The following PIK3R2 variants were observed in gnomAD, a reference collection of about 807,000 sequenced individuals.
The protein encoded by PIK3R2 is phosphatidylinositol 3-kinase regulatory subunit beta.
PIK3R2 carries 40 observed loss-of-function variants against 78.5 expected under a neutral mutation model. That is an observed-to-expected ratio of 0.51 (90% CI 0.40 to 0.66). The LOEUF (loss-of-function observed/expected upper bound fraction) is 0.66. Among genes scored for constraint, PIK3R2 ranks in the 30% least tolerant of loss-of-function variants. The probability of loss-of-function intolerance (pLI) is 0.00; values close to 1 mark genes in which losing one functional copy is unlikely to be tolerated. For synonymous variants in PIK3R2, 473 were observed against 457.7 expected, an observed-to-expected ratio of 1.03 and a Z score of -0.43; for missense variants, 880 against 1,026.6, an observed-to-expected ratio of 0.86 and a Z score of 1.95.
rs1347296510 is a variant in PIK3R2, at chr19:18,167,247, C to T, written c.1677C>T (p.Arg559=). 10 of 1,612,664 alleles carry T rather than the reference C, an allele frequency of 6.2e-6. No individual in the cohort carries two copies. Among genetic ancestry groups the T allele is most frequent in the Non-Finnish European group, 8.5e-6 (10 of 1,179,456 alleles). The change falls in exon 13 of 16, where the codon CGC becomes CGT. Residue 559 remains arginine, a synonymous_variant. Coordinates refer to ENST00000222254, the MANE Select transcript of PIK3R2 (RefSeq NM_005027.4). This position sits in a 1 kb window ranked among gnomAD's most constrained non-coding sequence, Gnocchi z 4.5. ...QASDNREIDK[R]MNSLKPDLMQ... ...CGGACAACAGAGAGATCGACAAGCG[C>T]ATGAACAGCCTCAAGCCGGACCTCA... is the stretch of plus-strand genomic sequence containing the variant.
At chr19:18,157,467 G>C (rs544703477) in intron 2 of PIK3R2, among the ~76,000 whole-genome samples, 1 of 152,324 alleles carries the variant, frequency 6.6e-6, no homozygotes, top group East Asian at 1.9e-4. Context: ...TCCTCATCTG[G>C]AAACAACAGG....
chr19:18,155,261 ACTCTACTCCCAGCAG>A (rs1355874913), intron 1 of PIK3R2, among the ~76,000 whole-genome samples, 181 bp from the exon 2 acceptor site: 1 of 151,552 alleles, frequency 6.6e-6, no homozygotes, highest in Non-Finnish European at 1.5e-5. Context: ...GTTCTTGGGA[ACTCTACTCCCAGCAG>A]CTCCAAGGGA....
rs1375426728 is a variant in PIK3R2 at position 18,160,496 on chromosome 19, G to A, written c.348G>A (p.Glu116=). Residue 116 remains glutamate, a synonymous_variant, in exon 3 of 16, where the codon GAG becomes GAA. Transcript: ENST00000222254. ...GCCTCACACTCCCCGACTTGCCCGAGCAGTTCTCCCCACCTGATGTGGCTC... is the reference window on the plus strand; with the variant it reads ...GCCTCACACTCCCCGACTTGCCCGAACAGTTCTCCCCACCTGATGTGGCTC... ...EPGLTLPDLP[E]QFSPPDVAPP... 2 of 1,613,806 alleles carry A rather than the reference G, an allele frequency of 1.2e-6. No homozygotes were observed. Among genetic ancestry groups the A allele is most frequent in the South Asian group, 2.2e-5 (2 of 91,066 alleles).
In PIK3R2 at chr19:18,156,257, T is replaced by C. The variant is rs902888581; in HGVS notation, c.322+56T>C. On this transcript the variant is annotated intron_variant, in intron 2 of 15. Coordinates refer to ENST00000222254, the MANE Select transcript of PIK3R2 (RefSeq NM_005027.4). The surrounding 1 kb of genome is among the most constrained non-coding windows in gnomAD (Gnocchi z 4.2). ...GGGTGGTCCCCTCAGACCCTTGGTC[T>C]CCTCTTCTGTCCAGTGAGGCAATGG... 3.8e-6 allele frequency: 5 copies of C among 1,300,926 alleles called. No homozygotes were observed. In the African/African-American group the frequency reaches 7.8e-5, roughly 20 times the overall value. 80.6% of individuals were successfully genotyped at this position (1,300,926 alleles called of 1,614,324 possible). A position where few individuals can be genotyped will look rare whatever the true frequency, so the allele number is the denominator to read the frequency against.
chr19:18,160,421 C>A (rs754988648), intron 2 of PIK3R2, 50 bp from the exon 3 acceptor site: 17 of 1,104,612 alleles, frequency 1.5e-5, no homozygotes, highest in Non-Finnish European at 2.2e-5. Flanking sequence ...AGGGGCTGGG[C>A]TCCTTCCAGG....
At position 18,167,875 on chromosome 19, in the gene PIK3R2, G is replaced by GA. The variant is rs368719804; in HGVS notation, c.1736+579dup. On this transcript the variant is annotated intron_variant, in intron 13 of 15. Coordinates refer to ENST00000222254, the MANE Select transcript of PIK3R2 (RefSeq NM_005027.4). This position sits in a 1 kb window ranked among gnomAD's most constrained non-coding sequence, Gnocchi z 4.5. ...CAACACTCTGCCTCAGAAAAGAAAA[G>GA]AAAAAAAAAATCGCCTGCTGTGCAA... Among the ~76,000 whole-genome samples the GA allele has an allele frequency of 1.7e-4, 26 of 149,374 alleles. No homozygotes were observed. Among genetic ancestry groups the GA allele is most frequent in the African/African-American group, 2.5e-4 (10 of 40,756 alleles).
chr19:18,160,572 C>T lies in PIK3R2; in HGVS notation c.415+9C>T. On this transcript the variant is annotated intron_variant, in intron 3 of 15. Transcript: ENST00000222254. ...GGCCATTGAAAGGACAGGTAAGTTC[C>T]AGCCTGGCTGCAGCCCCTGGATTCT... 3 of 1,603,636 alleles carry T rather than the reference C, an allele frequency of 1.9e-6. No individual in the cohort carries two copies. Among genetic ancestry groups the T allele is most frequent in the Non-Finnish European group, 8.5e-7 (1 of 1,171,650 alleles).
chr19:18,162,621 C>A, intron 9 of PIK3R2, 115 bp downstream of exon 9: 1 of 850,620 alleles, frequency 1.2e-6, no homozygotes. Flanking sequence ...CGGTGGCTTA[C>A]ACCTGTAATC....
rs538351116 is a variant in PIK3R2 at position 18,162,010 on chromosome 19, T to C, written c.860T>C (p.Leu287Pro). 6.2e-7 allele frequency: 1 copy of C among 1,614,042 alleles called. No individual in the cohort carries two copies. Among genetic ancestry groups the C allele is most frequent in the African/African-American group, 1.3e-5 (1 of 75,040 alleles). The part of the protein sequence containing the change: ...PDFPALLVEK[L>P]LQEHLEEQEV... ...TTCCCGGCGCTGCTGGTGGAGAAGCTGCTTCAGGAACACTTGGAAGAGCAG... is the reference window on the plus strand; with the variant it reads ...TTCCCGGCGCTGCTGGTGGAGAAGCCGCTTCAGGAACACTTGGAAGAGCAG... The change falls in exon 7 of 16, where the codon CTG becomes CCG. Residue 287 changes from leucine to proline, a missense_variant. Leu to Pro is a moderately conservative substitution (Grantham distance 98). Around this residue, in one of 3 missense-constraint regions of PIK3R2, gnomAD observed 456 missense variants for 486.6 expected, o/e 0.94. Coordinates refer to ENST00000222254, the MANE Select transcript of PIK3R2 (RefSeq NM_005027.4).
Position 18,155,820 on chromosome 19 carries a change from G to A in PIK3R2, c.-60G>A. 7.0e-7 allele frequency: 1 copy of A among 1,433,398 alleles called. No individual in the cohort carries two copies. The highest frequency in any genetic ancestry group is 1.4e-5 in the South Asian group (1 of 71,908). 88.8% of individuals were successfully genotyped at this position (1,433,398 alleles called of 1,614,324 possible). A position where few individuals can be genotyped will look rare whatever the true frequency, so the allele number is the denominator to read the frequency against. On this transcript the variant is annotated 5_prime_UTR_variant, in exon 2 of 16. Transcript: ENST00000222254. ...CCTCCCAGCCCTGCTTCAACCAATG[G>A]GGCCAGTGGGGCTCCAAGCAGCCAC... is the stretch of plus-strand genomic sequence containing the variant.
Position 18,163,451 on chromosome 19 carries a change from C to G in PIK3R2, c.1416+63C>G, listed in dbSNP as rs2043774330. The G allele has an allele frequency of 1.9e-6, 3 of 1,580,630 alleles. No individual in the cohort carries two copies. The Admixed American group carries it at 5.1e-5, about 27-fold the overall frequency. ...AGAGGGGCAGTGGCAAGGCCGGGAG[C>G]AGGATGACCAACCCCAGAGGACTTG... is the stretch of plus-strand genomic sequence containing the variant. On this transcript the variant is annotated intron_variant, in intron 11 of 15. Transcript: ENST00000222254.
chr19:18,161,355 G>C lies in PIK3R2; in HGVS notation c.675G>C (p.Leu225=). The C allele has an allele frequency of 1.5e-6, 2 of 1,306,930 alleles. No homozygotes were observed. Among genetic ancestry groups the C allele is most frequent in the Non-Finnish European group, 1.9e-6 (2 of 1,030,950 alleles). The allele number at this position is 1,306,930 out of a possible 1,614,324, so 81.0% of individuals were successfully genotyped here. ...PLHRALTLRF[L]LQHLGRVASR... ...ACCGCGCGCTCACGCTGCGCTTCCTGCTCCAGCACCTGGGCCGCGTGGCCA... is the reference window on the plus strand; with the variant it reads ...ACCGCGCGCTCACGCTGCGCTTCCTCCTCCAGCACCTGGGCCGCGTGGCCA... The change falls in exon 6 of 16, where the codon CTG becomes CTC. Residue 225 remains leucine, a synonymous_variant. Transcript: ENST00000222254. This position sits in a 1 kb window ranked among gnomAD's most constrained non-coding sequence, Gnocchi z 5.3.
chr19:18,161,840 C>A lies in PIK3R2; in HGVS notation c.816-126C>A. The A allele has an allele frequency of 1.4e-6, 1 of 735,736 alleles. No individual in the cohort carries two copies. The highest frequency in any genetic ancestry group is 1.6e-5 in the South Asian group (1 of 62,244). The allele number at this position is 735,736 out of a possible 1,614,324, so 45.6% of individuals were successfully genotyped here. Reference sequence around the variant, plus strand: ...CCTCGCACATGTGCCTGTATCATCTCCTCCTCCGCCCTGCACATACTGTCT... The same window carrying A: ...CCTCGCACATGTGCCTGTATCATCTACTCCTCCGCCCTGCACATACTGTCT... On this transcript the variant is annotated intron_variant, in intron 6 of 15. Transcript: ENST00000222254. The surrounding 1 kb of genome is among the most constrained non-coding windows in gnomAD (Gnocchi z 5.3).
Position 18,168,534 on chromosome 19 carries a change from A to G in PIK3R2, c.1796A>G (p.Asn599Ser). Residue 599 changes from asparagine to serine, a missense_variant, in exon 14 of 16, where the codon AAT (asparagine) becomes AGT (serine). Physicochemically the swap from Asn to Ser is conservative, Grantham distance 46. This residue lies in a region of PIK3R2 where 268 missense variants were observed against 299.1 expected (regional missense o/e 0.90). Coordinates refer to ENST00000222254, the MANE Select transcript of PIK3R2 (RefSeq NM_005027.4). This position sits in a 1 kb window ranked among gnomAD's most constrained non-coding sequence, Gnocchi z 4.1. ...ATCAACGAGTGGCTGGGGATTAAAAATGAGACTGAGGAGTGAGTGACCGTC... is the reference window on the plus strand; with the variant it reads ...ATCAACGAGTGGCTGGGGATTAAAAGTGAGACTGAGGAGTGAGTGACCGTC... ...KKINEWLGIK[N>S]ETEDQYALME... 1.3e-6 allele frequency: 1 copy of G among 781,610 alleles called. No individual in the cohort carries two copies. The highest frequency in any genetic ancestry group is 2.4e-6 in the Non-Finnish European group (1 of 418,974). The allele number at this position is 781,610 out of a possible 1,614,324, so 48.4% of individuals were successfully genotyped here.
intron 2 of PIK3R2, among the ~76,000 whole-genome samples, chr19:18,157,978 A>C (rs1334923618): frequency 6.6e-6 from 1 of 152,234 alleles, no homozygotes; most frequent in Admixed American, 6.5e-5. Context: ...GGCTGGGCCC[A>C]GGATGCCGCC....
At position 18,168,965 on chromosome 19, in the gene PIK3R2, C is replaced by A; in HGVS notation, c.1979+69C>A. 6.4e-7 allele frequency: 1 copy of A among 1,557,126 alleles called. No homozygotes were observed. The highest frequency in any genetic ancestry group is 1.1e-5 in the South Asian group (1 of 87,336). On this transcript the variant is annotated intron_variant, in intron 15 of 15. Coordinates refer to ENST00000222254, the MANE Select transcript of PIK3R2 (RefSeq NM_005027.4). The surrounding 1 kb of genome is among the most constrained non-coding windows in gnomAD (Gnocchi z 4.1). ...GCTCTCATTGAATGCCTGCCGCGTG[C>A]CAGGCCTTGGGAAGGAGTCCCTGGT... is the stretch of plus-strand genomic sequence containing the variant.
intron 2 of PIK3R2, 22 bp from the exon 3 acceptor site, chr19:18,160,449 A>G (rs1599970477): frequency 4.1e-6 from 6 of 1,451,568 alleles, no homozygotes; most frequent in Admixed American, 1.7e-5. Context: ...CCAACATGCA[A>G]CCCCCCTGTT....
Position 18,167,408 on chromosome 19 carries a change from C to CAGGAAGGGCCACTTGG in PIK3R2, c.1736+102_1736+103insAGGAAGGGCCACTTGG. On this transcript the variant is annotated intron_variant, in intron 13 of 15. Transcript: ENST00000222254. The surrounding 1 kb of genome is among the most constrained non-coding windows in gnomAD (Gnocchi z 4.5). ...GTCTCTCTCTCTCCACCAAGTGGCC[C>CAGGAAGGGCCACTTGG]TTCCTGGGCCCCGAGACCCCTTAAA... The CAGGAAGGGCCACTTGG allele has an allele frequency of 9.5e-7, 1 of 1,054,268 alleles. No individual in the cohort carries two copies. The highest frequency in any genetic ancestry group is 1.3e-6 in the Non-Finnish European group (1 of 764,858). The allele number at this position is 1,054,268 out of a possible 1,614,324, so 65.3% of individuals were successfully genotyped here.
chr19:18,158,495 A>AAC (rs1568634322), intron 2 of PIK3R2, among the ~76,000 whole-genome samples: 6 of 149,938 alleles, frequency 4.0e-5, no homozygotes, highest in African/African-American at 1.2e-4. Flanking sequence ...CATCTCAAAA[A>AAC]AACAACAACA....
Sources: allele counts gnomAD v4.1 joint callset (sites outside exome capture counted in the v4.1 genomes callset), GRCh38; gene constraint gnomAD v4.1.1; regional missense constraint gnomAD v4.1.1; non-coding constraint Gnocchi (gnomAD v3.1); transcripts MANE v1.5; gene names NCBI Gene and HGNC (gene_info 2026-07-23, HGNC 2026-07-21).